PIGQ: variants seen among roughly 807,000 people sequenced by gnomAD.
The protein encoded by PIGQ is phosphatidylinositol N-acetylglucosaminyltransferase subunit Q.
Under a neutral mutation model 60.3 loss-of-function variants are expected in PIGQ, and 54 were observed. The observed-to-expected ratio is 0.90, with a 90% CI of 0.72 to 1.12. The LOEUF (loss-of-function observed/expected upper bound fraction) is 1.12, where lower values mean the gene tolerates loss of function less well. Among genes scored for constraint, PIGQ ranks in the 50% most tolerant of loss-of-function variants. PIGQ has a pLI of 0.00. For missense variants in PIGQ, 799 were observed against 793.5 expected (o/e 1.01, Z -0.08); for synonymous variants, 416 against 363.7 (o/e 1.14, Z -1.64).
At chr16:582,564 C>G (rs1182805021) in intron 10 of PIGQ, 1 of 570,534 alleles carries the variant, frequency 1.8e-6, no homozygotes, top group East Asian at 2.8e-5. Context: ...GCTGGGGCTG[C>G]CCTGGGCCCC....
In PIGQ at chr16:574,707, C is replaced by A; in HGVS notation, c.633C>A (p.Pro211=). 6.3e-7 allele frequency: 1 copy of A among 1,596,222 alleles called. No individual in the cohort carries two copies. Among genetic ancestry groups the A allele is most frequent in the Admixed American group, 1.7e-5 (1 of 59,558 alleles). Residue 211 remains proline (P), a synonymous_variant, in exon 2 of 11, where the codon CCC becomes CCA. Transcript: ENST00000321878. Reference sequence around the variant, plus strand: ...AGCTGGCCAGGCGAGCCTCGGGACCCATTTGCCTGCTGTTGGCCAGCCTGC... The same window carrying A: ...AGCTGGCCAGGCGAGCCTCGGGACCAATTTGCCTGCTGTTGGCCAGCCTGC... ...LAELARRASG[P]ICLLLASLLS...
chr16:582,414 G>C (rs937173787), intron 10 of PIGQ, 105 bp downstream of exon 10: 1 of 788,540 alleles, frequency 1.3e-6, no homozygotes, highest in African/African-American at 1.7e-5. Flanking sequence ...AGCCTGCGAT[G>C]AGGTACAGGG....
Position 583,114 on chromosome 16 carries a change from G to C in PIGQ, c.*79G>C. ...CTGCCAGGGTGGCACCAGCTCAGCT[G>C]GCGCATGTCCTGTGCTTTGTGGACG... On this transcript the variant is annotated 3_prime_UTR_variant, in exon 11 of 11. Coordinates refer to ENST00000321878, the MANE Select transcript of PIGQ (RefSeq NM_004204.5). The C allele has an allele frequency of 1.9e-6, 3 of 1,613,174 alleles. No homozygotes were observed. Among genetic ancestry groups the C allele is most frequent in the Non-Finnish European group, 2.5e-6 (3 of 1,179,966 alleles).
At chr16:571,578 G>A (rs2035630023) in intron 1 of PIGQ, among the ~76,000 whole-genome samples, 1 of 141,004 alleles carries the variant, frequency 7.1e-6, no homozygotes, top group Non-Finnish European at 1.5e-5. Flanking sequence ...GCCCGTGTGT[G>A]TGTGTGTGTG....
chr16:574,835 G>C, intron 2 of PIGQ, 72 bp downstream of exon 2: 1 of 1,221,528 alleles, frequency 8.2e-7, no homozygotes, highest in Non-Finnish European at 1.1e-6. Context: ...TTTGTCTGCA[G>C]TGGGCACAGA....
chr16:574,149 G>A lies in PIGQ; in HGVS notation c.75G>A (p.Pro25=), dbSNP rs56293456. ...DSGLLVGRWV[P]EQSSAVVLAV... is the part of the protein sequence containing the mutation. ...GGCTGCTGGTGGGACGGTGGGTGCC[G>A]GAGCAGAGCAGCGCCGTGGTCCTGG... is the stretch of plus-strand genomic sequence containing the variant. Residue 25 remains proline (P), a synonymous_variant, in exon 2 of 11, where the codon CCG becomes CCA. Coordinates refer to ENST00000321878, the MANE Select transcript of PIGQ (RefSeq NM_004204.5). 1.8e-3 allele frequency: 2,967 copies of A among 1,612,302 alleles called. 40 individuals carry two copies. In the African/African-American group the frequency reaches 0.02, roughly 11 times the overall value.
At chr16:571,604 T>G (rs2035630519) in intron 1 of PIGQ, among the ~76,000 whole-genome samples, 1 of 95,782 alleles carries the variant, frequency 1.0e-5, no homozygotes. Flanking sequence ...GTGGCTAGCC[T>G]GGCGCCCGTG....
intron 10 of PIGQ, 200 bp from the exon 11 acceptor site, chr16:582,683 C>G (rs2035832348): frequency 1.5e-6 from 1 of 654,636 alleles, no homozygotes; most frequent in African/African-American, 1.8e-5. Context: ...AGGGGAGATG[C>G]AGCTTCTGCC....
chr16:580,579 C>A (rs1303667027), intron 8 of PIGQ: 5 of 555,298 alleles, frequency 9.0e-6, no homozygotes, highest in African/African-American at 1.9e-5. Flanking sequence ...AGCAGAACCA[C>A]CTCCAGCACC....
At position 576,233 on chromosome 16, in the gene PIGQ, C is replaced by T. The variant is rs776375774; in HGVS notation, c.921C>T (p.Asp307=). 29 of 1,553,040 alleles carry T rather than the reference C, an allele frequency of 1.9e-5. No individual in the cohort carries two copies. Among genetic ancestry groups the T allele is most frequent in the African/African-American group, 4.1e-5 (3 of 73,358 alleles). ...HGRSRIGHLA[D]ALVPVADHVA... Reference sequence around the variant, plus strand: ...GAAGCCGCATCGGGCATCTGGCCGACGCCCTCGTTCCTGTGGCTGACGTGA... The same window carrying T: ...GAAGCCGCATCGGGCATCTGGCCGATGCCCTCGTTCCTGTGGCTGACGTGA... Residue 307 remains aspartate (D), a synonymous_variant, in exon 4 of 11, where the codon GAC becomes GAT. Coordinates refer to ENST00000321878, the MANE Select transcript of PIGQ (RefSeq NM_004204.5).
Position 577,578 on chromosome 16 carries a change from GAA to G in PIGQ, c.943-784_943-783del, listed in dbSNP as rs36098074. Among the ~76,000 whole-genome samples the G allele has an allele frequency of 1.4e-3, 180 of 126,832 alleles. 1 individual carries two copies. The highest frequency in any genetic ancestry group is 1.6e-3 in the Non-Finnish European group (93 of 58,586). 83.2% of individuals were successfully genotyped at this position (126,832 alleles called of 152,430 possible). A position where few individuals can be genotyped will look rare whatever the true frequency, so the allele number is the denominator to read the frequency against. ...GGCGACAAAACAAGACTCCGTCTCA[GAA>G]AAAAAAAAAAAAAAAAGTGTTCTTT... On this transcript the variant is annotated intron_variant, in intron 4 of 10. Transcript: ENST00000321878.
chr16:580,557 C>CAGTG (rs2035794565), intron 8 of PIGQ: 1 of 552,614 alleles, frequency 1.8e-6, no homozygotes, highest in Non-Finnish European at 3.2e-6. Flanking sequence ...CTGGGGCAGA[C>CAGTG]AGTGGGAGGT....
chr16:572,612 T>A (rs937108937), intron 1 of PIGQ: 3 of 454,620 alleles, frequency 6.6e-6, no homozygotes, highest in African/African-American at 6.0e-5. Flanking sequence ...GTCTGTTCCC[T>A]CATCCCTAAG....
chr16:582,811 G>A (rs1428466630), intron 10 of PIGQ, 72 bp from the exon 11 acceptor site: 15 of 1,474,044 alleles, frequency 1.0e-5, no homozygotes, highest in East Asian at 2.3e-5. Context: ...ACAACTGCCC[G>A]CCCCCACCCT....
In PIGQ at chr16:574,263, G is replaced by C; in HGVS notation, c.189G>C (p.Leu63=). The change falls in exon 2 of 11, where the codon CTG becomes CTC. Residue 63 remains leucine, a synonymous_variant. Coordinates refer to ENST00000321878, the MANE Select transcript of PIGQ (RefSeq NM_004204.5). Reference sequence around the variant, plus strand: ...CCAGCCAGGTGGGCGTGGCCGTGCTGGGCACCTGGTGCCACTGCCGGCAGG... The same window carrying C: ...CCAGCCAGGTGGGCGTGGCCGTGCTCGGCACCTGGTGCCACTGCCGGCAGG... ...RQASQVGVAV[L]GTWCHCRQEP... 1 of 1,608,212 alleles carries C rather than the reference G, an allele frequency of 6.2e-7. No individual in the cohort carries two copies. Among genetic ancestry groups the C allele is most frequent in the Non-Finnish European group, 8.5e-7 (1 of 1,179,236 alleles).
In PIGQ at chr16:574,679, CG is replaced by C. The variant is rs1484076764; in HGVS notation, c.607del (p.Glu203SerfsTer57). ...QSEGVEASILAELARRASGPI... is the reference protein window; with the variant it reads ...QSEGVEASILXELARRASGPI... ...GAGGGCGTGGAGGCCAGCATCCTCG[CG>C]GAGCTGGCCAGGCGAGCCTCGGGAC... is the stretch of plus-strand genomic sequence containing the variant. On this transcript the variant is annotated frameshift_variant, in exon 2 of 11. Coordinates refer to ENST00000321878, the MANE Select transcript of PIGQ (RefSeq NM_004204.5). LOFTEE classifies it high-confidence loss of function. 6.2e-7 allele frequency: 1 copy of C among 1,605,392 alleles called. No individual in the cohort carries two copies. Among genetic ancestry groups the C allele is most frequent in the African/African-American group, 1.3e-5 (1 of 74,850 alleles).
In PIGQ at chr16:580,973, G is replaced by GT; in HGVS notation, c.1531+2dup. The GT allele has an allele frequency of 6.3e-7, 1 of 1,595,146 alleles. No homozygotes were observed. The highest frequency in any genetic ancestry group is 8.6e-7 in the Non-Finnish European group (1 of 1,164,388). On this transcript the variant is annotated splice_donor_variant, in intron 9 of 10. Transcript: ENST00000321878. LOFTEE classifies it high-confidence loss of function. ...CTCTGCCGGCCCTACAGGCTGGCGG[G>GT]TAAGTGCTGCGTATTGGGCAGCTGG...
chr16:579,075 C>T lies in PIGQ; in HGVS notation c.1230C>T (p.Tyr410=). Residue 410 remains tyrosine, a synonymous_variant, in exon 7 of 11, where the codon TAC becomes TAT. Transcript: ENST00000321878. ...YCFYVYGARL[Y]CLKIHGLSSL... ...ACAGCACTGCGTCCTGTAGGCTGTA[C>T]TGCCTGAAGATCCATGGCCTGTCCT... The T allele has an allele frequency of 6.2e-7, 1 of 1,612,266 alleles. No individual in the cohort carries two copies. Among genetic ancestry groups the T allele is most frequent in the South Asian group, 1.1e-5 (1 of 91,074 alleles).
rs1404998693 is a variant in PIGQ, at chr16:574,366, C to T, written c.292C>T (p.Arg98Trp). The T allele has an allele frequency of 1.1e-5, 17 of 1,610,080 alleles. No homozygotes were observed. The highest frequency in any genetic ancestry group is 4.5e-5 in the East Asian group (2 of 44,824). ...CCATGAGCCCTGGCTGCGGCTGTGC[C>T]GGGAGAGAGGCGGCACGTTCTGGAG... ...FPHEPWLRLC[R>W]ERGGTFWSCE... Residue 98 changes from arginine to tryptophan, a missense_variant, in exon 2 of 11, where the codon CGG becomes TGG. Transcript: ENST00000321878.
Sources: gnomAD v4.1 joint callset for allele counts (sites outside exome capture counted in the v4.1 genomes callset) on GRCh38, gnomAD v4.1.1 for gene constraint, MANE v1.5 for transcripts, NCBI Gene and HGNC (gene_info 2026-07-23, HGNC 2026-07-21) for gene names.